The following AP2A2 variants were observed in gnomAD, a reference collection of about 807,000 sequenced individuals.
AP2A2 encodes the protein adaptor related protein complex 2 subunit alpha 2.
In AP2A2, 32 loss-of-function variants were observed where a neutral mutation model predicts 104.2. The observed-to-expected ratio is 0.31, with a 90% CI of 0.23 to 0.41. The LOEUF (loss-of-function observed/expected upper bound fraction) is 0.41. Ranked by LOEUF, AP2A2 falls within the 10% of genes least tolerant of loss-of-function variation. AP2A2 has a pLI of 1.00. For missense variants in AP2A2, 912 were observed against 1,261.0 expected (o/e 0.72, Z 4.19); for synonymous variants, 539 against 533.3 (o/e 1.01, Z -0.15).
chr11:991,035 G>T (rs951091367), intron 10 of AP2A2, among the ~76,000 whole-genome samples: 1 of 151,262 alleles, frequency 6.6e-6, no homozygotes, highest in Admixed American at 6.6e-5. Flanking sequence ...TTTCAGCCGG[G>T]CACGATGCTC....
chr11:1,001,927 A>G (rs1360770435), intron 15 of AP2A2, among the ~76,000 whole-genome samples: 2 of 152,162 alleles, frequency 1.3e-5, no homozygotes, highest in Non-Finnish European at 2.9e-5. Context: ...ACAGAGGGTC[A>G]TCAGGTGTCT....
rs1189464833 is a variant in AP2A2, at chr11:968,185, C to T, written c.137-1984C>T. On this transcript the variant is annotated intron_variant, in intron 2 of 21. Transcript: ENST00000448903. The surrounding 1 kb of genome is among the most constrained non-coding windows in gnomAD (Gnocchi z 4.2). ...TGTGGCTTTCTCCTCGCGCTGGCGA[C>T]TTCCGCTGCCCCTCACGGTGCTTAT... Among the ~76,000 whole-genome samples the T allele has an allele frequency of 1.3e-5, 2 of 152,224 alleles. No homozygotes were observed. The highest frequency in any genetic ancestry group is 4.8e-5 in the African/African-American group (2 of 41,460).
chr11:1,008,169 T>A, intron 18 of AP2A2, 34 bp downstream of exon 18: 1 of 1,566,960 alleles, frequency 6.4e-7, no homozygotes, highest in Non-Finnish European at 8.6e-7. Flanking sequence ...GGCCAAGGGG[T>A]GTGTGGGCGC....
chr11:984,571 A>G (rs941152875), intron 6 of AP2A2, 74 bp from the exon 7 acceptor site: 2 of 1,242,636 alleles, frequency 1.6e-6, no homozygotes, highest in African/African-American at 1.5e-5. Flanking sequence ...AGGAGTGAGT[A>G]TGGCTTTTCT....
At chr11:998,740 C>T (rs1855935938) in intron 14 of AP2A2, among the ~76,000 whole-genome samples, 1 of 152,088 alleles carries the variant, frequency 6.6e-6, no homozygotes, top group Admixed American at 6.6e-5. Context: ...TGAGTGTTGC[C>T]AGGCTGTAGT....
At chr11:1,005,633 G>GCT (rs1387518693) in intron 16 of AP2A2, among the ~76,000 whole-genome samples, 2 of 152,172 alleles carry the variant, frequency 1.3e-5, no homozygotes, top group Admixed American at 6.5e-5. Flanking sequence ...CCTCAGGACT[G>GCT]CTCTCTCTCT....
At chr11:986,618 A>C (rs1230686075) in intron 8 of AP2A2, among the ~76,000 whole-genome samples, 167 bp from the exon 9 acceptor site, 1 of 152,204 alleles carries the variant, frequency 6.6e-6, no homozygotes, top group Non-Finnish European at 1.5e-5. Flanking sequence ...GTCGGGCGTC[A>C]TCTGCATCTG....
At chr11:1,009,953 A>G in intron 21 of AP2A2, 136 bp downstream of exon 21, 2 of 1,176,268 alleles carry the variant, frequency 1.7e-6, no homozygotes, top group Non-Finnish European at 2.3e-6. Flanking sequence ...CCCTGTCAAT[A>G]CATGGTTGCC....
intron 16 of AP2A2, among the ~76,000 whole-genome samples, chr11:1,004,034 G>T (rs1856116056): frequency 6.6e-6 from 1 of 151,766 alleles, no homozygotes; most frequent in African/African-American, 2.4e-5. Flanking sequence ...GTGGGGGTGG[G>T]TGCAAAGTTG....
chr11:1,006,374 G>A (rs1291815895), intron 16 of AP2A2, among the ~76,000 whole-genome samples, 154 bp from the exon 17 acceptor site: 1 of 152,196 alleles, frequency 6.6e-6, no homozygotes, highest in Non-Finnish European at 1.5e-5. Flanking sequence ...TCTAAAACTG[G>A]AAAAAATTTG....
At chr11:977,619 C>A (rs1054399209) in intron 5 of AP2A2, among the ~76,000 whole-genome samples, 1 of 151,622 alleles carries the variant, frequency 6.6e-6, no homozygotes, top group Non-Finnish European at 1.5e-5. Context: ...ATGGTATAGG[C>A]ATACACCAAG....
intron 1 of AP2A2, chr11:943,311 G>GGGGGT (rs1411750745): frequency 6.6e-6 from 1 of 152,320 alleles, no homozygotes; most frequent in Non-Finnish European, 1.5e-5. Flanking sequence ...TGAGCAAGCA[G>GGGGGT]GGGGTATGTG....
chr11:1,006,837 T>C, intron 17 of AP2A2: 1 of 556,572 alleles, frequency 1.8e-6, no homozygotes, highest in Admixed American at 3.4e-5. Context: ...ATCATGCACC[T>C]AAAAATACCG....
chr11:949,924 T>C (rs552707731), intron 1 of AP2A2, among the ~76,000 whole-genome samples: 1 of 152,256 alleles, frequency 6.6e-6, no homozygotes, highest in South Asian at 2.1e-4. Context: ...GTCATCTCCA[T>C]AGATGCAAAA....
Position 988,651 on chromosome 11 carries a change from T to C in AP2A2, c.1231T>C (p.Tyr411His). The change falls in exon 10 of 22, where the codon TAT (tyrosine) becomes CAT (histidine). Residue 411 changes from tyrosine to histidine, a missense_variant. By Grantham distance (83) the Tyr-to-His change is moderately conservative. Coordinates refer to ENST00000448903, the MANE Select transcript of AP2A2 (RefSeq NM_012305.4). ...ACAGATCGTGGCCGAGATGCTGAGC[T>C]ATCTGGAGACAGCTGACTACTCCAT... ...APQIVAEMLS[Y>H]LETADYSIRE... 3.1e-6 allele frequency: 5 copies of C among 1,613,772 alleles called. No homozygotes were observed. Among genetic ancestry groups the C allele is most frequent in the Non-Finnish European group, 4.2e-6 (5 of 1,179,894 alleles).
chr11:1,008,098 G>A lies in AP2A2; in HGVS notation c.2383G>A (p.Asp795Asn), dbSNP rs1394040119. ...GGTGGTCAACATAGAGTGCGTGTCC[G>A]ACTTCACGGAGGCGCCAGTCCTCAA... is the stretch of plus-strand genomic sequence containing the variant. ...QQVVNIECVSDFTEAPVLNIQ... is the reference protein window; with the variant it reads ...QQVVNIECVSNFTEAPVLNIQ... The change falls in exon 18 of 22, where the codon GAC becomes AAC. Residue 795 changes from aspartate to asparagine, a missense_variant. Transcript: ENST00000448903. 5 of 1,605,334 alleles carry A rather than the reference G, an allele frequency of 3.1e-6. No homozygotes were observed. The highest frequency in any genetic ancestry group is 2.7e-5 in the African/African-American group (2 of 74,744).
rs1028402114 is a variant in AP2A2 at position 1,011,828 on chromosome 11, A to G, written c.*1203A>G. 3.4e-6 allele frequency: 1 copy of G among 294,516 alleles called. No homozygotes were observed. The highest frequency in any genetic ancestry group is 2.2e-5 in the African/African-American group (1 of 45,034). 18.2% of individuals were successfully genotyped at this position (294,516 alleles called of 1,614,324 possible). On this transcript the variant is annotated 3_prime_UTR_variant, in exon 22 of 22. Transcript: ENST00000448903. ...GTCCCTGGGGCAGCTGCAGGGGCTCATGGACCCATCAGGGTCTCCACAGCT... is the reference window on the plus strand; with the variant it reads ...GTCCCTGGGGCAGCTGCAGGGGCTCGTGGACCCATCAGGGTCTCCACAGCT...
At chr11:1,010,345 C>T (rs543003752) in intron 21 of AP2A2, 19 of 593,908 alleles carry the variant, frequency 3.2e-5, no homozygotes, top group South Asian at 1.3e-4. Flanking sequence ...CCGCCAGCTA[C>T]GTACGAGACG....
intron 1 of AP2A2, among the ~76,000 whole-genome samples, chr11:933,952 TCAAGGCTTCAG>T (rs1330121009): frequency 1.3e-5 from 2 of 152,100 alleles, no homozygotes; most frequent in African/African-American, 4.8e-5. Context: ...GTTGGGGGTA[TCAAGGCTTCAG>T]CAGGCTGGGA....
Sources: gnomAD v4.1 joint callset for allele counts (sites outside exome capture counted in the v4.1 genomes callset) on GRCh38, gnomAD v4.1.1 for gene constraint, Gnocchi (gnomAD v3.1) non-coding constraint, MANE v1.5 for transcripts, NCBI Gene and HGNC (gene_info 2026-07-23, HGNC 2026-07-21) for gene names.